The following CDYL2 variants were observed in gnomAD, a reference collection of about 807,000 sequenced individuals.
The protein encoded by CDYL2 is chromodomain Y like 2.
A neutral mutation model predicts 49.4 loss-of-function variants in CDYL2; 23 were observed. The observed-to-expected ratio is 0.47, with a 90% CI of 0.34 to 0.66. The LOEUF (loss-of-function observed/expected upper bound fraction) is 0.66, where lower values mean the gene tolerates loss of function less well. Among genes scored for constraint, CDYL2 ranks in the 30% least tolerant of loss-of-function variants. CDYL2 has a pLI of 0.01. For synonymous variants in CDYL2, 360 were observed against 268.8 expected (o/e 1.34, Z -3.32); for missense variants, 678 against 656.4 (o/e 1.03, Z -0.36).
chr16:80,723,592 C>A (rs923272376), intron 1 of CDYL2, among the ~76,000 whole-genome samples: 35 of 152,180 alleles, frequency 2.3e-4, no homozygotes, highest in African/African-American at 7.0e-4. Flanking sequence ...ACAGGATAGT[C>A]CCCCATGTTC....
chr16:80,718,162 C>T (rs1306672975), intron 1 of CDYL2, among the ~76,000 whole-genome samples: 3 of 152,174 alleles, frequency 2.0e-5, no homozygotes, highest in Non-Finnish European at 2.9e-5. Context: ...CTCCAAAGCC[C>T]GTGCTCTTTC....
chr16:80,796,565 A>G (rs1051874788), intron 1 of CDYL2, among the ~76,000 whole-genome samples: 3 of 152,222 alleles, frequency 2.0e-5, no homozygotes, highest in African/African-American at 7.2e-5. Flanking sequence ...GAAGACATGA[A>G]ACACATCTGT....
intron 1 of CDYL2, among the ~76,000 whole-genome samples, chr16:80,702,937 A>T (rs950376181): frequency 6.6e-6 from 1 of 152,204 alleles, no homozygotes; most frequent in Non-Finnish European, 1.5e-5. Flanking sequence ...CCTAAGAAAT[A>T]ATCAGTTGTT....
chr16:80,614,932 C>T (rs1379479413), intron 4 of CDYL2, among the ~76,000 whole-genome samples: 1 of 151,662 alleles, frequency 6.6e-6, no homozygotes, highest in Non-Finnish European at 1.5e-5. Context: ...ACTGTTCCTT[C>T]CCCCAAGTCT....
chr16:80,643,477 G>A (rs1162097814), intron 2 of CDYL2, among the ~76,000 whole-genome samples: 1 of 152,242 alleles, frequency 6.6e-6, no homozygotes, highest in Non-Finnish European at 1.5e-5. Flanking sequence ...CCTCCACAGG[G>A]ACTCTGTGTG....
rs185693071 is a variant in CDYL2 at position 80,677,010 on chromosome 16, G to A, written c.616+7528C>T. The stretch of plus-strand genomic sequence containing the variant: ...TTTTGAGACAGAGTCTCGCTCTGTC[G>A]CCCAGGCTGGAGTGCAGTGGCACAA... On this transcript the variant is annotated intron_variant, in intron 2 of 6. Transcript: ENST00000570137. Among the ~76,000 whole-genome samples, 121 of 119,940 alleles carry A rather than the reference G, an allele frequency of 1.0e-3. No homozygotes were observed. The East Asian group carries it at 0.019, about 19-fold the overall frequency. The allele number at this position is 119,940 out of a possible 152,430, so 78.7% of individuals were successfully genotyped here. A position where few individuals can be genotyped will look rare whatever the true frequency, so the allele number is the denominator to read the frequency against.
chr16:80,759,629 C>T (rs113692344), intron 1 of CDYL2, among the ~76,000 whole-genome samples: 89 of 152,246 alleles, frequency 5.8e-4, no homozygotes, highest in African/African-American at 2.0e-3. Flanking sequence ...TCTGTGGCTT[C>T]TCTGAGGTGG....
At chr16:80,754,111 T>G (rs1408998497) in intron 1 of CDYL2, among the ~76,000 whole-genome samples, 1 of 152,192 alleles carries the variant, frequency 6.6e-6, no homozygotes, top group African/African-American at 2.4e-5. Flanking sequence ...ATCCCTATTT[T>G]ACAAGCTCAA....
chr16:80,712,872 T>C (rs1463641868), intron 1 of CDYL2, among the ~76,000 whole-genome samples: 1 of 152,160 alleles, frequency 6.6e-6, no homozygotes, highest in Non-Finnish European at 1.5e-5. Context: ...TGTTGCAAGC[T>C]TAGTAAAGCC....
At chr16:80,639,582 C>T in intron 2 of CDYL2, 1 of 430,514 alleles carries the variant, frequency 2.3e-6, no homozygotes, top group African/African-American at 2.0e-5. Flanking sequence ...GGATTGTACC[C>T]TCCCCCCTGC....
rs1041576626 is a variant in CDYL2, at chr16:80,651,536, C to T, written c.617-18300G>A. On this transcript the variant is annotated intron_variant, in intron 2 of 6. Coordinates refer to ENST00000570137, the MANE Select transcript of CDYL2 (RefSeq NM_152342.4). ...ACAATGGAGAATACTAGACATTAAG[C>T]GCTTGTCAAATACCAAAGAAATTTA... Among the ~76,000 whole-genome samples the T allele has an allele frequency of 8.5e-5, 13 of 152,214 alleles. No individual in the cohort carries two copies. In the South Asian group the frequency reaches 1.7e-3, roughly 19 times the overall value.
Position 80,684,447 on chromosome 16 carries a change from G to A in CDYL2, c.616+91C>T. On this transcript the variant is annotated intron_variant, in intron 2 of 6. Transcript: ENST00000570137. Reference sequence around the variant, plus strand: ...GGCTAGCTAAGAGACGGGGATGGAGGTGGGGGTCTTATGTATGTCCCTAGG... The same window carrying A: ...GGCTAGCTAAGAGACGGGGATGGAGATGGGGGTCTTATGTATGTCCCTAGG... 1.0e-5 allele frequency: 12 copies of A among 1,182,134 alleles called. No homozygotes were observed. In the South Asian group the frequency reaches 1.5e-4, roughly 14 times the overall value. The allele number at this position is 1,182,134 out of a possible 1,614,324, so 73.2% of individuals were successfully genotyped here. A position where few individuals can be genotyped will look rare whatever the true frequency, so the allele number is the denominator to read the frequency against.
chr16:80,732,954 T>C (rs1171046287), intron 1 of CDYL2, among the ~76,000 whole-genome samples: 1 of 152,092 alleles, frequency 6.6e-6, no homozygotes, highest in African/African-American at 2.4e-5. Flanking sequence ...AATTGTGTCG[T>C]GAAGTATCAT....
intron 2 of CDYL2, among the ~76,000 whole-genome samples, chr16:80,635,675 G>A (rs1039059331): frequency 2.6e-5 from 4 of 152,108 alleles, no homozygotes; most frequent in African/African-American, 9.7e-5. Flanking sequence ...TCTCTATCAA[G>A]TTACCACTGA....
chr16:80,684,859 T>C lies in CDYL2; in HGVS notation c.295A>G (p.Ser99Gly). ...TTCCGTTTATGGGAGGTCCCCTTGCTCTTTCCAGGATCTGAAGGTCTGTGG... is the reference window on the plus strand; with the variant it reads ...TTCCGTTTATGGGAGGTCCCCTTGCCCTTTCCAGGATCTGAAGGTCTGTGG... ...LSHRPSDPGK[S>G]KGTSHKRKRI... The change falls in exon 2 of 7, where the codon AGC becomes GGC. Residue 99 changes from serine (S) to glycine (G), a missense_variant. This residue lies in a region of CDYL2 where 478 missense variants were observed against 427.0 expected (regional missense o/e 1.12). Coordinates refer to ENST00000570137, the MANE Select transcript of CDYL2 (RefSeq NM_152342.4). 6.2e-7 allele frequency: 1 copy of C among 1,614,174 alleles called. No homozygotes were observed. Among genetic ancestry groups the C allele is most frequent in the South Asian group, 1.1e-5 (1 of 91,090 alleles).
At chr16:80,761,251 C>T (rs139254544) in intron 1 of CDYL2, among the ~76,000 whole-genome samples, 5 of 152,288 alleles carry the variant, frequency 3.3e-5, no homozygotes, top group East Asian at 3.9e-4. Context: ...GGTTGAACCA[C>T]CTGTGGTTAC....
At chr16:80,661,429 G>C (rs965242363) in intron 2 of CDYL2, among the ~76,000 whole-genome samples, 19 of 152,160 alleles carry the variant, frequency 1.2e-4, no homozygotes, top group Admixed American at 1.2e-3. Flanking sequence ...ACAAGTTGCT[G>C]AGTGCCTACT....
chr16:80,646,708 G>C (rs1333289102), intron 2 of CDYL2, among the ~76,000 whole-genome samples: 1 of 152,130 alleles, frequency 6.6e-6, no homozygotes, highest in African/African-American at 2.4e-5. Context: ...AGAATTGCTT[G>C]AACCAGGGAG....
intron 1 of CDYL2, among the ~76,000 whole-genome samples, chr16:80,738,486 T>G (rs955284269): frequency 6.6e-6 from 1 of 152,132 alleles, no homozygotes; most frequent in African/African-American, 2.4e-5. Context: ...GAAAATATTA[T>G]GCTAAGTGAA....
Sources: allele counts gnomAD v4.1 joint callset (sites outside exome capture counted in the v4.1 genomes callset), GRCh38; gene constraint gnomAD v4.1.1; regional missense constraint gnomAD v4.1.1; transcripts MANE v1.5; gene names NCBI Gene and HGNC (gene_info 2026-07-23, HGNC 2026-07-21).